Variants in SOX6 observed in about 807,000 individuals in gnomAD.
SOX6 encodes the protein SRY-box transcription factor 6, also known as transcription factor SOX-6.
A neutral mutation model predicts 97.8 loss-of-function variants in SOX6; 11 were observed. The observed-to-expected ratio is 0.11, with a 90% CI of 0.07 to 0.19. The LOEUF (loss-of-function observed/expected upper bound fraction) is 0.19. Ranked by LOEUF, SOX6 falls within the 10% of genes least tolerant of loss-of-function variation. The pLI is 1.00. For synonymous variants in SOX6, 360 were observed against 371.4 expected, an observed-to-expected ratio of 0.97 and a Z score of 0.35; for missense variants, 810 against 1,039.5, an observed-to-expected ratio of 0.78 and a Z score of 3.04.
At chr11:16,061,697 C>T (rs376625017) in intron 9 of SOX6, among the ~76,000 whole-genome samples, 25 of 151,726 alleles carry the variant, frequency 1.6e-4, no homozygotes, top group South Asian at 4.2e-4. Context: ...AAAATAGACA[C>T]GTAGATCAAT....
At chr11:15,983,921 C>G (rs574665560) in intron 15 of SOX6, among the ~76,000 whole-genome samples, 1 of 152,206 alleles carries the variant, frequency 6.6e-6, no homozygotes, top group East Asian at 1.9e-4. Context: ...GCTAAGAGCT[C>G]TTGCTCAGAT....
chr11:16,325,905 A>C (rs956690093), intron 2 of SOX6, among the ~76,000 whole-genome samples: 1 of 152,128 alleles, frequency 6.6e-6, no homozygotes, highest in Non-Finnish European at 1.5e-5. Flanking sequence ...CCCTTCCGCC[A>C]TGTGAGGACA....
intron 3 of SOX6, among the ~76,000 whole-genome samples, chr11:16,648,792 A>T (rs1849051151): frequency 6.6e-6 from 1 of 152,248 alleles, no homozygotes; most frequent in Non-Finnish European, 1.5e-5. Context: ...CAAATAAAGA[A>T]TTCAGAAGGT....
chr11:16,163,361 A>G (rs1013507416), intron 6 of SOX6, among the ~76,000 whole-genome samples: 1 of 152,222 alleles, frequency 6.6e-6, no homozygotes, highest in African/African-American at 2.4e-5. Flanking sequence ...TTAAGATCCT[A>G]TAGATTTTTA....
intron 1 of SOX6, among the ~76,000 whole-genome samples, chr11:16,394,065 A>G (rs141224999): frequency 6.6e-6 from 1 of 152,092 alleles, no homozygotes; most frequent in East Asian, 1.9e-4. Flanking sequence ...CTCTACTTTA[A>G]CCATTTCACA....
intron 3 of SOX6, among the ~76,000 whole-genome samples, chr11:16,252,695 C>T (rs1056911277): frequency 3.3e-5 from 5 of 152,096 alleles, no homozygotes; most frequent in African/African-American, 1.2e-4. Flanking sequence ...TTTTCCAGAG[C>T]CTAACCTGCT....
At chr11:16,474,532 C>T (rs186985422) in intron 1 of SOX6, among the ~76,000 whole-genome samples, 111 of 152,312 alleles carry the variant, frequency 7.3e-4, no homozygotes, top group African/African-American at 8.7e-4. Flanking sequence ...TCCATCTGAG[C>T]TCTTGATGGC....
At chr11:16,707,734 C>A (rs1848148265) in intron 3 of SOX6, among the ~76,000 whole-genome samples, 1 of 152,052 alleles carries the variant, frequency 6.6e-6, no homozygotes, top group Non-Finnish European at 1.5e-5. Flanking sequence ...AAATAGAAAA[C>A]CTTTACAGTA....
At chr11:16,148,624 T>C (rs1404444714) in intron 6 of SOX6, among the ~76,000 whole-genome samples, 2 of 152,176 alleles carry the variant, frequency 1.3e-5, no homozygotes, top group African/African-American at 4.8e-5. Flanking sequence ...GTAGGCTGAA[T>C]GCTTAGCTTT....
At position 16,642,546 on chromosome 11, in the gene SOX6, G is replaced by A. The variant is rs139920228; in HGVS notation, n.430-30286C>T. On this transcript the variant is annotated intron_variant and non_coding_transcript_variant, in intron 3 of 5. Coordinates refer to the SOX6 transcript ENST00000524520. ...GTTCCATTCTCCCCGTCACTTTCAGGTACACCAATCAGACGTAGATTTGGT... is the reference window on the plus strand; with the variant it reads ...GTTCCATTCTCCCCGTCACTTTCAGATACACCAATCAGACGTAGATTTGGT... Among the ~76,000 whole-genome samples the A allele has an allele frequency of 7.1e-3, 1,083 of 152,220 alleles. 15 individuals carry two copies. The highest frequency in any genetic ancestry group is 0.024 in the African/African-American group (978 of 41,524).
intron 1 of SOX6, among the ~76,000 whole-genome samples, chr11:16,411,911 A>G (rs1590193458): frequency 6.6e-6 from 1 of 152,214 alleles, no homozygotes; most frequent in African/African-American, 2.4e-5. Context: ...AAGGATTAAC[A>G]TATGAAAATG....
intron 4 of SOX6, among the ~76,000 whole-genome samples, chr11:16,483,006 C>T (rs1860369726): frequency 6.6e-6 from 1 of 152,168 alleles, no homozygotes; most frequent in Non-Finnish European, 1.5e-5. Context: ...TATGCATCCT[C>T]AATGCAAATG....
chr11:16,132,305 AGGAAGGAAG>A (rs1849771898), intron 6 of SOX6, among the ~76,000 whole-genome samples: 5 of 129,630 alleles, frequency 3.9e-5, no homozygotes, highest in African/African-American at 1.5e-4. Context: ...GAAGGAAGGA[AGGAAGGAAG>A]GAAGGAAGGA....
chr11:16,736,875 T>C (rs1848395148), intron 1 of SOX6, among the ~76,000 whole-genome samples: 2 of 152,228 alleles, frequency 1.3e-5, no homozygotes, highest in African/African-American at 4.8e-5. Flanking sequence ...TTATGATTTA[T>C]TCTTACCACA....
chr11:16,064,465 T>C (rs1213990218), intron 9 of SOX6, among the ~76,000 whole-genome samples: 1 of 151,378 alleles, frequency 6.6e-6, no homozygotes, highest in Non-Finnish European at 1.5e-5. Context: ...AATACTTCCA[T>C]ACTCATTCTA....
Position 16,525,672 on chromosome 11 carries a change from A to G in SOX6, n.610-49284T>C, listed in dbSNP as rs1177819016. 7.2e-5 allele frequency among the ~76,000 whole-genome samples: 11 copies of G among 152,036 alleles called. No homozygotes were observed. The East Asian group carries it at 1.5e-3, about 21-fold the overall frequency. ...TAAAGAGCTTCTGCACAGCACAAGA[A>G]ACTACCATCAGAGTGAACAGGCAAC... is the stretch of plus-strand genomic sequence containing the variant. On this transcript the variant is annotated intron_variant and non_coding_transcript_variant, in intron 4 of 5. Transcript: ENST00000524520.
intron 3 of SOX6, among the ~76,000 whole-genome samples, chr11:16,710,628 T>C (rs767748598): frequency 6.6e-6 from 1 of 152,212 alleles, no homozygotes; most frequent in African/African-American, 2.4e-5. Context: ...CTACCTCTTT[T>C]ATCTGACTTA....
intron 2 of SOX6, among the ~76,000 whole-genome samples, chr11:16,733,861 C>T (rs1206612474): frequency 6.6e-6 from 1 of 151,114 alleles, no homozygotes; most frequent in Admixed American, 6.6e-5. Flanking sequence ...CCCATCTCTA[C>T]TAAAAATACA....
Position 16,567,561 on chromosome 11 carries a change from C to CTTTTTTTTTTTT in SOX6, n.609+44508_609+44519dup, listed in dbSNP as rs59320140. 3.7e-4 allele frequency among the ~76,000 whole-genome samples: 32 copies of CTTTTTTTTTTTT among 87,354 alleles called. 2 individuals carry two copies. Among genetic ancestry groups the CTTTTTTTTTTTT allele is most frequent in the Admixed American group, 7.9e-4 (5 of 6,340 alleles). The allele number at this position is 87,354 out of a possible 152,430, so 57.3% of individuals were successfully genotyped here. On this transcript the variant is annotated intron_variant and non_coding_transcript_variant, in intron 4 of 5. Coordinates refer to the SOX6 transcript ENST00000524520. ...TATTAATGGTATGTCATATTTTTTTCTTTTTTTTTTTTTTTTTTTTTTTTT... is the reference window on the plus strand; with the variant it reads ...TATTAATGGTATGTCATATTTTTTTCTTTTTTTTTTTTTTTTTTTTTTTTTTTTTTTTTTTTT...
Sources: gnomAD v4.1 joint callset for allele counts (sites outside exome capture counted in the v4.1 genomes callset) on GRCh38, gnomAD v4.1.1 for gene constraint, MANE v1.5 for transcripts, NCBI Gene and HGNC (gene_info 2026-07-23, HGNC 2026-07-21) for gene names.